LHFPL3: variants seen among roughly 807,000 people sequenced by gnomAD.
The protein encoded by LHFPL3 is LHFPL tetraspan subfamily member 3 protein.
A neutral mutation model predicts 19.3 loss-of-function variants in LHFPL3; 5 were observed. That is an observed-to-expected ratio of 0.26 (90% CI 0.14 to 0.54). The LOEUF (loss-of-function observed/expected upper bound fraction) is 0.54. Among genes scored for constraint, LHFPL3 ranks in the 20% least tolerant of loss-of-function variants. The pLI, the probability that LHFPL3 is intolerant of heterozygous loss-of-function variation, is 0.94. For missense variants in LHFPL3, 249 were observed against 307.4 expected, an observed-to-expected ratio of 0.81 and a Z score of 1.42; for synonymous variants, 133 against 126.2, an observed-to-expected ratio of 1.05 and a Z score of -0.36.
At chr7:104,634,506 A>G (rs1307210088) in intron 1 of LHFPL3, among the ~76,000 whole-genome samples, 1 of 152,182 alleles carries the variant, frequency 6.6e-6, no homozygotes, top group East Asian at 1.9e-4. Context: ...GCTTCAACAT[A>G]TACATTTTGG....
intron 2 of LHFPL3, chr7:104,803,886 A>C (rs1355995362): frequency 6.6e-6 from 1 of 152,244 alleles, no homozygotes; most frequent in Non-Finnish European, 1.5e-5. Flanking sequence ...CCAATAATCA[A>C]ATATTCTTCA....
intron 1 of LHFPL3, among the ~76,000 whole-genome samples, chr7:104,402,351 G>A (rs1791330092): frequency 6.6e-6 from 1 of 152,232 alleles, no homozygotes; most frequent in African/African-American, 2.4e-5. Flanking sequence ...GTTTAAATTA[G>A]GAAATTGTGT....
chr7:104,800,278 G>C (rs1016323961), intron 2 of LHFPL3, among the ~76,000 whole-genome samples: 2 of 152,168 alleles, frequency 1.3e-5, no homozygotes, highest in Admixed American at 1.3e-4. Flanking sequence ...GTGAGGTTTT[G>C]TGAGCTGAGC....
Position 104,783,226 on chromosome 7 carries a change from A to C in LHFPL3, c.682+46315A>C, listed in dbSNP as rs118183653. Reference sequence around the variant, plus strand: ...GGCTTAAACAGCATTTCCTCCAGGAAGCTTTCTTTAACTTAACTCTTTACC... The same window carrying C: ...GGCTTAAACAGCATTTCCTCCAGGACGCTTTCTTTAACTTAACTCTTTACC... On this transcript the variant is annotated intron_variant, in intron 2 of 2. Transcript: ENST00000424859. Among the ~76,000 whole-genome samples, 387 of 152,368 alleles carry C rather than the reference A, an allele frequency of 2.5e-3. 7 individuals are homozygous for C. The East Asian group carries it at 0.065, about 25-fold the overall frequency.
rs138780462 is a variant in LHFPL3, at chr7:104,819,956, G to A, written c.682+83045G>A. 2.7e-4 allele frequency among the ~76,000 whole-genome samples: 41 copies of A among 152,202 alleles called. 1 individual carries two copies. In the South Asian group the frequency reaches 2.9e-3, roughly 11 times the overall value. On this transcript the variant is annotated intron_variant, in intron 2 of 2. Coordinates refer to ENST00000424859, the MANE Select transcript of LHFPL3 (RefSeq NM_199000.3). Reference sequence around the variant, plus strand: ...ATACGATCAAAGCAATATACAAAACGAGCCGATTGTGATCTCTTTTTTAAG... The same window carrying A: ...ATACGATCAAAGCAATATACAAAACAAGCCGATTGTGATCTCTTTTTTAAG...
rs145214110 is a variant in LHFPL3, at chr7:104,498,622, C to T, written c.445+169398C>T. ...CCACCCAAGTAGCTGGGACTACAGG[C>T]GCCTGCCACCACGCCCTGCTAACTT... is the stretch of plus-strand genomic sequence containing the variant. On this transcript the variant is annotated intron_variant, in intron 1 of 2. Coordinates refer to ENST00000424859, the MANE Select transcript of LHFPL3 (RefSeq NM_199000.3). 5.5e-3 allele frequency among the ~76,000 whole-genome samples: 836 copies of T among 151,586 alleles called. 11 individuals carry two copies. Among genetic ancestry groups the T allele is most frequent in the African/African-American group, 0.019 (789 of 41,278 alleles).
intron 2 of LHFPL3, among the ~76,000 whole-genome samples, chr7:104,845,728 G>A (rs1791300940): frequency 1.3e-5 from 2 of 152,250 alleles, no homozygotes; most frequent in Admixed American, 1.3e-4. Flanking sequence ...GCACTTGGAT[G>A]ATCAGCTTTT....
At chr7:104,588,751 A>G (rs1207699376) in intron 1 of LHFPL3, among the ~76,000 whole-genome samples, 2 of 152,336 alleles carry the variant, frequency 1.3e-5, no homozygotes, top group Non-Finnish European at 2.9e-5. Flanking sequence ...ATCCACGAGT[A>G]TGGAATGTTC....
chr7:104,388,504 T>C (rs1790994689), intron 1 of LHFPL3, among the ~76,000 whole-genome samples: 2 of 152,058 alleles, frequency 1.3e-5, no homozygotes, highest in Admixed American at 1.3e-4. Context: ...TTTCCCAACC[T>C]CTCTAAATAG....
intron 1 of LHFPL3, among the ~76,000 whole-genome samples, chr7:104,398,893 A>G (rs773222818): frequency 1.1e-4 from 16 of 152,076 alleles, no homozygotes; most frequent in Non-Finnish European, 2.2e-4. Flanking sequence ...CCCATATCAC[A>G]ACTCCTATCA....
intron 1 of LHFPL3, among the ~76,000 whole-genome samples, chr7:104,589,337 G>A (rs1341283232): frequency 1.3e-5 from 2 of 152,112 alleles, no homozygotes; most frequent in Non-Finnish European, 2.9e-5. Flanking sequence ...GTTGAATTTT[G>A]TCAAAGGACT....
At chr7:104,545,674 T>C (rs557284426) in intron 1 of LHFPL3, among the ~76,000 whole-genome samples, 1 of 152,234 alleles carries the variant, frequency 6.6e-6, no homozygotes, top group African/African-American at 2.4e-5. Flanking sequence ...GAGATGCTCC[T>C]GTGCAGAAGG....
At chr7:104,496,041 C>T (rs536025474) in intron 1 of LHFPL3, among the ~76,000 whole-genome samples, 8 of 152,118 alleles carry the variant, frequency 5.3e-5, no homozygotes, top group Admixed American at 2.0e-4. Flanking sequence ...CATATGTATA[C>T]ATGTGTCATG....
chr7:104,437,123 C>T (rs745386933), intron 1 of LHFPL3, among the ~76,000 whole-genome samples: 11 of 152,204 alleles, frequency 7.2e-5, no homozygotes, highest in Non-Finnish European at 1.5e-4. Flanking sequence ...TAATTTATAA[C>T]ACTTGTCCTT....
At chr7:104,374,739 A>G (rs972006704) in intron 1 of LHFPL3, among the ~76,000 whole-genome samples, 1 of 152,164 alleles carries the variant, frequency 6.6e-6, no homozygotes, top group Non-Finnish European at 1.5e-5. Flanking sequence ...CAAAGGGACC[A>G]ATGTTATGTG....
chr7:104,903,761 C>A (rs114753532), intron 2 of LHFPL3, among the ~76,000 whole-genome samples: 2,447 of 152,268 alleles, frequency 0.016, 55 homozygotes, highest in African/African-American at 0.056. Flanking sequence ...CCACAATGCC[C>A]AGCCAATTTT....
At chr7:104,631,812 G>T (rs973049305) in intron 1 of LHFPL3, among the ~76,000 whole-genome samples, 2 of 152,170 alleles carry the variant, frequency 1.3e-5, no homozygotes, top group East Asian at 3.8e-4. Context: ...GAAAAAGGGG[G>T]CATAGACAAG....
intron 1 of LHFPL3, among the ~76,000 whole-genome samples, chr7:104,499,083 A>T (rs1457391262): frequency 1.3e-5 from 2 of 152,218 alleles, no homozygotes; most frequent in African/African-American, 4.8e-5. Flanking sequence ...TTTTTACTCC[A>T]AAAGTAATGG....
At chr7:104,668,714 A>AGGGGGGGGGGGGGGGGGGG in intron 1 of LHFPL3, 1 of 1,527,922 alleles carries the variant, frequency 6.5e-7, no homozygotes, top group Non-Finnish European at 8.8e-7. Flanking sequence ...GTGATGATAG[A>AGGGGGGGGGGGGGGGGGGG]GGTCCCCCCC....
Sources: gnomAD v4.1 joint callset for allele counts (sites outside exome capture counted in the v4.1 genomes callset) on GRCh38, gnomAD v4.1.1 for gene constraint, MANE v1.5 for transcripts, NCBI Gene and HGNC (gene_info 2026-07-23, HGNC 2026-07-21) for gene names.